CYSLTR1: variants seen among roughly 807,000 people sequenced by gnomAD.
CYSLTR1 encodes the protein G-protein coupled receptor HG55.
In CYSLTR1, 1 loss-of-function variant was observed where a neutral mutation model predicts 2.1. The observed-to-expected ratio is 0.48, with a 90% CI of 0.17 to 2.28. CYSLTR1 has a LOEUF of 2.28. Ranked by LOEUF, CYSLTR1 falls within the 30% of genes most tolerant of loss-of-function variation. The pLI is 0.26. For synonymous variants in CYSLTR1, 110 were observed against 89.6 expected (o/e 1.23, Z -1.28); for missense variants, 299 against 250.1 (o/e 1.20, Z -1.32).
At chrX:78,295,697 G>C (rs992643767) in intron 1 of CYSLTR1, among the ~76,000 whole-genome samples, 6 of 111,033 alleles carry the variant, frequency 5.4e-5, no homozygotes, top group African/African-American at 2.0e-4. Flanking sequence ...GTCTTCTTTC[G>C]AGAAATGTCT....
At chrX:78,314,143 G>A (rs755914753) in intron 1 of CYSLTR1, among the ~76,000 whole-genome samples, 2 of 111,439 alleles carry the variant, frequency 1.8e-5, no homozygotes, top group Non-Finnish European at 1.9e-5. Flanking sequence ...AATGGAAAGG[G>A]TGTTTCAGAA....
chrX:78,273,932 G>A (rs186643117), intron 2 of CYSLTR1, among the ~76,000 whole-genome samples, 159 bp from the exon 3 acceptor site: 41 of 111,045 alleles, frequency 3.7e-4, no homozygotes, highest in African/African-American at 1.1e-3. Context: ...CTTATCCTCC[G>A]GAGAAGAGTC....
At chrX:78,274,739 T>TC (rs1921496115) in intron 2 of CYSLTR1, among the ~76,000 whole-genome samples, 1 of 110,152 alleles carries the variant, frequency 9.1e-6, no homozygotes, top group Non-Finnish European at 1.9e-5. Flanking sequence ...GGGATCTAAT[T>TC]AACTAAAGAG....
At chrX:78,288,818 C>T (rs1922185565) in intron 1 of CYSLTR1, among the ~76,000 whole-genome samples, 3 of 111,451 alleles carry the variant, frequency 2.7e-5, no homozygotes, top group African/African-American at 9.8e-5. Context: ...TTCTCTCTAA[C>T]TAATGTTTTT....
At chrX:78,320,351 A>G (rs1352698641) in intron 1 of CYSLTR1, 6 of 111,949 alleles carry the variant, frequency 5.4e-5, no homozygotes, top group Non-Finnish European at 1.1e-4. Context: ...TCCCAGCACC[A>G]TTTATTAAAT....
At chrX:78,321,185 G>A (rs1923641979) in intron 1 of CYSLTR1, 1 of 105,960 alleles carries the variant, frequency 9.4e-6, no homozygotes, top group Non-Finnish European at 1.9e-5. Context: ...AAGTGCAGGT[G>A]CTGTTATGCA....
In CYSLTR1 at chrX:78,273,236, T is replaced by C. The variant is rs1171391389; in HGVS notation, c.511A>G (p.Thr171Ala). ...AKPQKDEKNN[T>A]KCFEPPQDNQ... ...TCTTGTGGGGGCTCAAAGCACTTGG[T>C]ATTATTTTTCTCATCTTTTTGTGGT... The change falls in exon 3 of 3, where the codon ACC (threonine) becomes GCC (alanine). Residue 171 changes from threonine (T) to alanine (A), a missense_variant. Thr to Ala is a moderately conservative substitution (Grantham distance 58, BLOSUM62 0). Transcript: ENST00000373304. The C allele has an allele frequency of 8.3e-7, 1 of 1,210,932 alleles. No homozygotes were observed. The highest frequency in any genetic ancestry group is 3.0e-5 in the East Asian group (1 of 33,854).
intron 1 of CYSLTR1, among the ~76,000 whole-genome samples, chrX:78,286,282 AAAT>A (rs1375614878): frequency 1.8e-5 from 2 of 111,018 alleles, no homozygotes. Context: ...ACTCTACAAA[AAAT>A]AAAAAAAATG....
intron 1 of CYSLTR1, among the ~76,000 whole-genome samples, chrX:78,317,003 A>G (rs1333918821): frequency 8.9e-6 from 1 of 112,588 alleles, no homozygotes; most frequent in Non-Finnish European, 1.9e-5. Flanking sequence ...TTAAACTAAA[A>G]GAATTCTGCA....
At chrX:78,316,452 T>C (rs921611262) in intron 1 of CYSLTR1, among the ~76,000 whole-genome samples, 7 of 112,211 alleles carry the variant, frequency 6.2e-5, no homozygotes, top group African/African-American at 2.3e-4. Flanking sequence ...CAAGTTTGCT[T>C]GCTCAGCGGG....
At chrX:78,293,465 C>T (rs986613172) in intron 1 of CYSLTR1, among the ~76,000 whole-genome samples, 1 of 111,146 alleles carries the variant, frequency 9.0e-6, no homozygotes, top group Non-Finnish European at 1.9e-5. Context: ...CCTGGAGTTG[C>T]TCTTCTTGAG....
chrX:78,324,895 GAC>G lies in CYSLTR1; in HGVS notation c.-115+2408_-115+2409del, dbSNP rs763006501. Among the ~76,000 whole-genome samples the G allele has an allele frequency of 1.1e-3, 119 of 106,353 alleles. 1 individual carries two copies. Among genetic ancestry groups the G allele is most frequent in the African/African-American group, 3.2e-3 (92 of 29,192 alleles). 92.4% of individuals were successfully genotyped at this position (106,353 alleles called of 115,157 possible). On this transcript the variant is annotated intron_variant, in intron 1 of 2. Transcript: ENST00000373304. ...AGTGACTTTAGGTCTTTCTATTTTA[GAC>G]ACACACACACACACACACACAACTA... is the stretch of plus-strand genomic sequence containing the variant.
intron 1 of CYSLTR1, among the ~76,000 whole-genome samples, chrX:78,306,780 G>T (rs1473867074): frequency 9.0e-6 from 1 of 111,200 alleles, no homozygotes; most frequent in East Asian, 2.8e-4. Context: ...CAGCAAAAGG[G>T]TATCAGAGAG....
At chrX:78,302,108 C>A (rs1330974155) in intron 1 of CYSLTR1, among the ~76,000 whole-genome samples, 1 of 112,242 alleles carries the variant, frequency 8.9e-6, no homozygotes, top group Non-Finnish European at 1.9e-5. Context: ...AGTTTCAAAT[C>A]AAGATGAGAT....
At chrX:78,289,854 T>C (rs1439186074) in intron 1 of CYSLTR1, among the ~76,000 whole-genome samples, 2 of 112,191 alleles carry the variant, frequency 1.8e-5, no homozygotes, top group African/African-American at 6.5e-5. Context: ...TTGTAGATTC[T>C]GGATATTAGC....
chrX:78,274,302 T>C (rs1233028212), intron 2 of CYSLTR1, among the ~76,000 whole-genome samples: 1 of 111,328 alleles, frequency 9.0e-6, no homozygotes, highest in Middle Eastern at 4.6e-3. Context: ...TCACGCTACC[T>C]GACTTCAAAC....
chrX:78,309,739 A>T (rs1923152980), intron 1 of CYSLTR1, among the ~76,000 whole-genome samples: 2 of 112,065 alleles, frequency 1.8e-5, no homozygotes, highest in Non-Finnish European at 3.8e-5. Flanking sequence ...GTTTTATAGA[A>T]TGTTAGAGAT....
chrX:78,300,332 C>A (rs1922762157), intron 1 of CYSLTR1, among the ~76,000 whole-genome samples: 1 of 112,425 alleles, frequency 8.9e-6, no homozygotes, highest in Middle Eastern at 4.6e-3. Flanking sequence ...GTCATGATCT[C>A]CTGGATGGTC....
intron 1 of CYSLTR1, among the ~76,000 whole-genome samples, chrX:78,299,019 AT>A (rs1369260434): frequency 1.8e-5 from 2 of 110,165 alleles, no homozygotes; most frequent in Non-Finnish European, 3.8e-5. Context: ...CTTGCTTATT[AT>A]TTTTTGTGCA....
Sources: allele counts gnomAD v4.1 joint callset (sites outside exome capture counted in the v4.1 genomes callset), GRCh38; gene constraint gnomAD v4.1.1; transcripts MANE v1.5; gene names NCBI Gene and HGNC (gene_info 2026-07-23, HGNC 2026-07-21).